Variants in ARHGAP25 observed in about 807,000 individuals in gnomAD.
ARHGAP25 encodes Rho GTPase activating protein 25, also known as rho GTPase-activating protein 25.
In ARHGAP25, 34 loss-of-function variants were observed where a neutral mutation model predicts 71.0. The observed-to-expected ratio is 0.48, with a 90% CI of 0.36 to 0.64. ARHGAP25 has a LOEUF of 0.64. Among genes scored for constraint, ARHGAP25 ranks in the 30% least tolerant of loss-of-function variants. The pLI, the probability that ARHGAP25 is intolerant of heterozygous loss-of-function variation, is 0.00. For synonymous variants in ARHGAP25, 282 were observed against 296.5 expected, an observed-to-expected ratio of 0.95 and a Z score of 0.50; for missense variants, 706 against 805.1, an observed-to-expected ratio of 0.88 and a Z score of 1.49.
At chr2:68,823,272 G>C (rs1681845198) in intron 10 of ARHGAP25, among the ~76,000 whole-genome samples, 1 of 151,552 alleles carries the variant, frequency 6.6e-6, no homozygotes. Flanking sequence ...CTGAACAAAA[G>C]AGACAAAAGT....
intron 1 of ARHGAP25, among the ~76,000 whole-genome samples, chr2:68,736,027 G>C (rs115071997): frequency 1.3e-5 from 2 of 151,990 alleles, no homozygotes; most frequent in Non-Finnish European, 2.9e-5. Flanking sequence ...CAGAGCAATC[G>C]GGCTGAAAAC....
intron 2 of ARHGAP25, among the ~76,000 whole-genome samples, chr2:68,777,478 T>C (rs1428681187): frequency 3.9e-5 from 6 of 152,208 alleles, no homozygotes; most frequent in Non-Finnish European, 7.4e-5. Flanking sequence ...TGTCAAAGGG[T>C]AAAATAAATA....
chr2:68,800,491 T>A (rs926568940), intron 4 of ARHGAP25, among the ~76,000 whole-genome samples: 1 of 151,914 alleles, frequency 6.6e-6, no homozygotes, highest in Admixed American at 6.6e-5. Flanking sequence ...CAGGATGGGG[T>A]CCAAAATTTT....
At chr2:68,720,494 A>G (rs1207143926) in intron 2 of ARHGAP25, among the ~76,000 whole-genome samples, 1 of 152,152 alleles carries the variant, frequency 6.6e-6, no homozygotes, top group Admixed American at 6.5e-5. Flanking sequence ...TGGATGCATA[A>G]TGGCTGCAGT....
At chr2:68,787,380 T>G (rs1383451423) in intron 3 of ARHGAP25, among the ~76,000 whole-genome samples, 1 of 152,214 alleles carries the variant, frequency 6.6e-6, no homozygotes, top group African/African-American at 2.4e-5. Context: ...AGCACACATC[T>G]ATTCACTGTC....
intron 3 of ARHGAP25, 41 bp downstream of exon 3, chr2:68,782,361 A>C (rs1678402748): frequency 1.9e-6 from 3 of 1,578,314 alleles, no homozygotes; most frequent in Non-Finnish European, 8.7e-7. Context: ...GTGCAGAAGT[A>C]AAATTCCCAT....
intron 3 of ARHGAP25, among the ~76,000 whole-genome samples, chr2:68,784,671 T>C (rs1348263114): frequency 6.6e-6 from 1 of 152,242 alleles, no homozygotes; most frequent in Admixed American, 6.5e-5. Context: ...TACCACTTTA[T>C]GATCTGTTGT....
intron 1 of ARHGAP25, among the ~76,000 whole-genome samples, chr2:68,772,328 T>A (rs1188191292): frequency 6.6e-6 from 1 of 152,214 alleles, no homozygotes; most frequent in Non-Finnish European, 1.5e-5. Flanking sequence ...GCACTTCCCC[T>A]CACTCCTGAG....
At chr2:68,786,311 A>G (rs944102929) in intron 3 of ARHGAP25, among the ~76,000 whole-genome samples, 2 of 152,204 alleles carry the variant, frequency 1.3e-5, no homozygotes, top group African/African-American at 4.8e-5. Flanking sequence ...GGGGAAAGAC[A>G]CCAGATAAAT....
At chr2:68,710,991 C>T in intron 2 of ARHGAP25, among the ~76,000 whole-genome samples, 1 of 152,170 alleles carries the variant, frequency 6.6e-6, no homozygotes, top group East Asian at 1.9e-4. Context: ...CCACTTCCTC[C>T]CTGGTTGTCT....
Position 68,734,913 on chromosome 2 carries a change from TA to T in ARHGAP25, c.-283del, listed in dbSNP as rs1675126552. The T allele has an allele frequency of 2.2e-6, 1 of 461,202 alleles. No homozygotes were observed. The highest frequency in any genetic ancestry group is 3.9e-5 in the Admixed American group (1 of 25,662). The allele number at this position is 461,202 out of a possible 1,614,324, so 28.6% of individuals were successfully genotyped here. ...GAAGTGTCAACTGGGATATTTCTGG[TA>T]AAACTGAAAGCAAGAAAAGCAGGGT... is the stretch of plus-strand genomic sequence containing the variant. On this transcript the variant is annotated 5_prime_UTR_variant, in exon 1 of 11. The change creates a premature stop within an existing upstream ORF in the 5' untranslated region. Coordinates refer to ENST00000409202, the MANE Select transcript of ARHGAP25 (RefSeq NM_001007231.3).
chr2:68,815,578 G>A (rs533425371), intron 6 of ARHGAP25, among the ~76,000 whole-genome samples: 11 of 150,424 alleles, frequency 7.3e-5, no homozygotes, highest in South Asian at 6.3e-4. Context: ...AGCCTCCCGA[G>A]TAGCTGGGGT....
At chr2:68,770,502 G>C (rs1677418604) in intron 1 of ARHGAP25, among the ~76,000 whole-genome samples, 1 of 152,148 alleles carries the variant, frequency 6.6e-6, no homozygotes, top group African/African-American at 2.4e-5. Flanking sequence ...TTATTTTGAG[G>C]GTTCAGCGGC....
intron 2 of ARHGAP25, chr2:68,775,891 C>A: frequency 3.1e-6 from 1 of 323,592 alleles, no homozygotes; most frequent in South Asian, 2.4e-5. Context: ...GAGGAAAAGA[C>A]ACATAAACAT....
In ARHGAP25 at chr2:68,712,393, A is replaced by G. The variant is rs548751973; in HGVS notation, c.-18+1695A>G. Among the ~76,000 whole-genome samples the G allele has an allele frequency of 2.6e-5, 4 of 152,238 alleles. No individual in the cohort carries two copies. The East Asian group carries it at 7.7e-4, about 29-fold the overall frequency. On this transcript the variant is annotated intron_variant and NMD_transcript_variant, in intron 2 of 7. Transcript: ENST00000463483. ...TTGTAAATTTGTTTAAGTTTCTTGT[A>G]TATTTTGGATATTAGCCCTTTGTCA...
intron 1 of ARHGAP25, among the ~76,000 whole-genome samples, chr2:68,742,763 G>A (rs1404452059): frequency 1.3e-5 from 2 of 152,152 alleles, no homozygotes; most frequent in Non-Finnish European, 2.9e-5. Flanking sequence ...TAGACATATG[G>A]TCTTTACAAC....
chr2:68,805,806 G>C (rs1489502218), intron 4 of ARHGAP25, among the ~76,000 whole-genome samples: 6 of 152,172 alleles, frequency 3.9e-5, no homozygotes, highest in African/African-American at 1.4e-4. Flanking sequence ...ATCATGGGGA[G>C]AGTCAAGTGA....
chr2:68,744,649 A>G (rs1452748350), intron 1 of ARHGAP25, among the ~76,000 whole-genome samples: 1 of 152,198 alleles, frequency 6.6e-6, no homozygotes, highest in Non-Finnish European at 1.5e-5. Context: ...GCCCCTAGAT[A>G]TCTACAAGGG....
intron 2 of ARHGAP25, among the ~76,000 whole-genome samples, chr2:68,779,401 C>T (rs949080171): frequency 3.3e-5 from 5 of 152,144 alleles, no homozygotes; most frequent in African/African-American, 1.2e-4. Context: ...GAAAGGTGTA[C>T]AATTTAAGTA....
Sources: allele counts gnomAD v4.1 joint callset (sites outside exome capture counted in the v4.1 genomes callset), GRCh38; gene constraint gnomAD v4.1.1; transcripts MANE v1.5; gene names NCBI Gene and HGNC (gene_info 2026-07-23, HGNC 2026-07-21).